The following MYH15 variants were observed in gnomAD, a reference collection of about 807,000 sequenced individuals.
MYH15 encodes the protein myosin-15.
In MYH15, 227 loss-of-function variants were observed where a neutral mutation model predicts 240.5. The ratio of observed to expected loss-of-function variants is 0.94; its 90% CI spans 0.85 to 1.05. MYH15 has a LOEUF of 1.05. Among genes scored for constraint, MYH15 ranks in the 50% least tolerant of loss-of-function variants. MYH15 has a pLI of 0.00. For synonymous variants in MYH15, 785 were observed against 796.7 expected (o/e 0.99, Z 0.25); for missense variants, 2,217 against 2,247.5 (o/e 0.99, Z 0.27).
chr3:108,499,501 T>C lies in MYH15; in HGVS notation c.497-19A>G, dbSNP rs772004298. 6.2e-7 allele frequency: 1 copy of C among 1,609,638 alleles called. No homozygotes were observed. ...TCTCGATCTACAAAAGAAAGAAAAATGCCAGAATATTCTTATATTCGATAT... is the reference window on the plus strand; with the variant it reads ...TCTCGATCTACAAAAGAAAGAAAAACGCCAGAATATTCTTATATTCGATAT... On this transcript the variant is annotated intron_variant, in intron 4 of 40. Transcript: ENST00000693548.
At chr3:108,491,800 C>A (rs537443933) in intron 9 of MYH15, among the ~76,000 whole-genome samples, 1 of 152,316 alleles carries the variant, frequency 6.6e-6, no homozygotes, top group South Asian at 2.1e-4. Context: ...TTTAATCAAC[C>A]TGGTCTCTCT....
intron 27 of MYH15, among the ~76,000 whole-genome samples, chr3:108,424,468 C>T (rs1487933077): frequency 3.3e-5 from 5 of 152,128 alleles, no homozygotes; most frequent in South Asian, 4.1e-4. Flanking sequence ...TAAGGATAAG[C>T]GGTATGTTTT....
intron 38 of MYH15, among the ~76,000 whole-genome samples, chr3:108,385,126 T>C (rs2082371681): frequency 6.6e-6 from 1 of 152,230 alleles, no homozygotes; most frequent in Admixed American, 6.5e-5. Flanking sequence ...TGTTATATTT[T>C]ACTTTAAGGT....
chr3:108,460,228 A>G (rs890623231), intron 17 of MYH15, 72 bp downstream of exon 17: 2 of 1,276,796 alleles, frequency 1.6e-6, no homozygotes, highest in Non-Finnish European at 1.1e-6. Context: ...GAAGATGTGA[A>G]ATGTCAACTA....
chr3:108,399,378 A>G (rs944701607), intron 33 of MYH15, 111 bp from the exon 34 acceptor site: 1 of 934,196 alleles, frequency 1.1e-6, no homozygotes, highest in Non-Finnish European at 1.6e-6. Flanking sequence ...AATCCAAGAT[A>G]AATTTTAAGT....
At chr3:108,425,631 A>G (rs1431576341) in intron 27 of MYH15, among the ~76,000 whole-genome samples, 1 of 152,236 alleles carries the variant, frequency 6.6e-6, no homozygotes, top group Admixed American at 6.5e-5. Context: ...TGCCAGTGAC[A>G]GAGATGTTCA....
At chr3:108,531,139 T>A (rs958246641), upstream of MYH15, among the ~76,000 whole-genome samples, 1 of 152,108 alleles carries the variant, frequency 6.6e-6, no homozygotes, top group Non-Finnish European at 1.5e-5. Flanking sequence ...TGAGGGAGAA[T>A]GAGACCAAAG....
At chr3:108,459,614 T>C (rs2083054048) in intron 17 of MYH15, among the ~76,000 whole-genome samples, 165 bp from the exon 18 acceptor site, 1 of 152,210 alleles carries the variant, frequency 6.6e-6, no homozygotes, top group Non-Finnish European at 1.5e-5. Context: ...CAAATGCACA[T>C]TATTTCTTTC....
chr3:108,534,874 G>C, the MYH15 span, among the ~76,000 whole-genome samples: 2 of 151,962 alleles, frequency 1.3e-5, no homozygotes, highest in Non-Finnish European at 2.9e-5. Flanking sequence ...GTGAAACATT[G>C]TCTCTTAAAA....
chr3:108,412,749 T>C (rs1021380321), intron 30 of MYH15, among the ~76,000 whole-genome samples: 1 of 152,144 alleles, frequency 6.6e-6, no homozygotes, highest in African/African-American at 2.4e-5. Context: ...GTACAATGGG[T>C]CTTAGATAAG....
At position 108,464,716 on chromosome 3, in the gene MYH15, C is replaced by G. The variant is rs577325025; in HGVS notation, c.1653G>C (p.Lys551Asn). Residue 551 changes from lysine to asparagine, a missense_variant, in exon 15 of 41, where the codon AAG becomes AAC. Lys to Asn is a moderately conservative substitution (Grantham distance 94, BLOSUM62 0). Transcript: ENST00000693548. Reference sequence around the variant, plus strand: ...GCTTGGGCTTCTGGAGATGAACCGACTTTCCAAAATGGTTGTCAAAGAGTT... The same window carrying G: ...GCTTGGGCTTCTGGAGATGAACCGAGTTTCCAAAATGGTTGTCAAAGAGTT... ...KTKLFDNHFGKSVHLQKPKPD... is the reference protein window; with the variant it reads ...KTKLFDNHFGNSVHLQKPKPD... The G allele has an allele frequency of 1.2e-6, 2 of 1,613,936 alleles. No homozygotes were observed. The highest frequency in any genetic ancestry group is 1.7e-6 in the Non-Finnish European group (2 of 1,179,876).
At chr3:108,484,973 C>T in intron 11 of MYH15, 118 bp downstream of exon 11, 2 of 1,106,972 alleles carry the variant, frequency 1.8e-6, no homozygotes, top group South Asian at 1.7e-5. Context: ...GAACAGCAAT[C>T]AAGGGAGACA....
chr3:108,487,558 A>G (rs1017123349), intron 9 of MYH15, among the ~76,000 whole-genome samples: 1 of 152,214 alleles, frequency 6.6e-6, no homozygotes, highest in Non-Finnish European at 1.5e-5. Context: ...GTCTTTAAAC[A>G]TTCTAGAAAA....
chr3:108,454,408 C>T (rs1010443552), intron 20 of MYH15, among the ~76,000 whole-genome samples: 1 of 151,962 alleles, frequency 6.6e-6, no homozygotes, highest in African/African-American at 2.4e-5. Flanking sequence ...TTAATAATGT[C>T]TCAATTGTTT....
Position 108,428,484 on chromosome 3 carries a change from G to T in MYH15, c.3702+8C>A, listed in dbSNP as rs1028150386. The T allele has an allele frequency of 5.6e-6, 9 of 1,600,126 alleles. No homozygotes were observed. In the African/African-American group the frequency reaches 1.2e-4, roughly 21 times the overall value. On this transcript the variant is annotated splice_region_variant and intron_variant, in intron 27 of 40. Coordinates refer to ENST00000693548, the MANE Select transcript of MYH15 (RefSeq NM_014981.3). ...AGAAGACCACGAGGATGGCATGGGAGTATCTACCTTAGCTCTTGTCATCTG... is the reference window on the plus strand; with the variant it reads ...AGAAGACCACGAGGATGGCATGGGATTATCTACCTTAGCTCTTGTCATCTG...
At chr3:108,540,696 C>T in the MYH15 span, among the ~76,000 whole-genome samples, 2 of 152,038 alleles carry the variant, frequency 1.3e-5, no homozygotes, top group African/African-American at 4.8e-5. Flanking sequence ...CAAAAGTGAG[C>T]ATTGTGCTTA....
chr3:108,549,816 T>C, the MYH15 span: 1 of 151,986 alleles, frequency 6.6e-6, no homozygotes, highest in Non-Finnish European at 1.5e-5. Flanking sequence ...TGATTTTCCC[T>C]AGAATTTTTG....
chr3:108,438,239 C>T (rs951537197), intron 24 of MYH15, among the ~76,000 whole-genome samples: 2 of 152,300 alleles, frequency 1.3e-5, no homozygotes, highest in Admixed American at 6.5e-5. Flanking sequence ...TTCCAAGCCC[C>T]GTCACCACCT....
chr3:108,417,253 T>G lies in MYH15; in HGVS notation c.3830-323A>C, dbSNP rs1048841600. On this transcript the variant is annotated intron_variant, in intron 28 of 40. Transcript: ENST00000693548. ...TAGTTTAATTTTCATAACTCCTTGA[T>G]AGTGTAGGTATTATACTAACCATTT... 7.2e-5 allele frequency among the ~76,000 whole-genome samples: 11 copies of G among 152,336 alleles called. 2 individuals are homozygous for G. The South Asian group carries it at 2.3e-3, about 32-fold the overall frequency.
Sources: gnomAD v4.1 joint callset for allele counts (sites outside exome capture counted in the v4.1 genomes callset) on GRCh38, gnomAD v4.1.1 for gene constraint, MANE v1.5 for transcripts, NCBI Gene and HGNC (gene_info 2026-07-23, HGNC 2026-07-21) for gene names.